TET2: variants seen among roughly 807,000 people sequenced by gnomAD.
The protein encoded by TET2 is methylcytosine dioxygenase TET2.
TET2 carries 299 observed loss-of-function variants against 142.9 expected under a neutral mutation model. The ratio of observed to expected loss-of-function variants is 2.09; its 90% CI spans 1.90 to 2.30. The LOEUF is 2.30. Among genes scored for constraint, TET2 ranks in the 30% most tolerant of loss-of-function variants. TET2 has a pLI of 0.00. For missense variants in TET2, 2,418 were observed against 2,378.0 expected, an observed-to-expected ratio of 1.02 and a Z score of -0.35; for synonymous variants, 819 against 849.0, an observed-to-expected ratio of 0.96 and a Z score of 0.61.
At chr4:105,238,035 A>G in intron 3 of TET2, 1 of 592,098 alleles carries the variant, frequency 1.7e-6, no homozygotes, top group Non-Finnish European at 2.3e-6. Context: ...AATGAATATT[A>G]CAATAAAGCA....
rs2110225254 is a variant in TET2, at chr4:105,235,120, C to G, written c.1178C>G (p.Ser393Cys). ...TCAGTGTTCACTAAGGATTCCTTTT[C>G]TGCCACTACCACACCACCACCACCA... ...QSSVFTKDSF[S>C]ATTTPPPPSQ... Residue 393 changes from serine (S) to cysteine (C), a missense_variant, in exon 3 of 11, where the codon TCT becomes TGT. By Grantham distance (112) the Ser-to-Cys change is moderately radical. Transcript: ENST00000380013. 1.9e-6 allele frequency: 3 copies of G among 1,613,870 alleles called. No individual in the cohort carries two copies. Among genetic ancestry groups the G allele is most frequent in the Non-Finnish European group, 2.5e-6 (3 of 1,179,892 alleles).
At chr4:105,187,036 C>A (rs892400464) in intron 1 of TET2, among the ~76,000 whole-genome samples, 2 of 152,068 alleles carry the variant, frequency 1.3e-5, no homozygotes, top group Admixed American at 1.3e-4. Flanking sequence ...CAGCTTGATT[C>A]CCAGTCAACC....
chr4:105,186,718 C>T (rs1409303440), intron 1 of TET2, among the ~76,000 whole-genome samples: 2 of 152,058 alleles, frequency 1.3e-5, no homozygotes, highest in Non-Finnish European at 2.9e-5. Context: ...GTGATCCACC[C>T]ACCTTGGCCT....
Position 105,236,241 on chromosome 4 carries a change from A to G in TET2, c.2299A>G (p.Asn767Asp), listed in dbSNP as rs147167901. The change falls in exon 3 of 11, where the codon AAT (asparagine) becomes GAT (aspartate). Residue 767 changes from asparagine to aspartate, a missense_variant. Transcript: ENST00000380013. ...GACTTTTCCTCACCCCCAAAGCAAC[A>G]ATGATCAGCAAAGAGAAGGATCATT... ...LQTFPHPQSN[N>D]DQQREGSFFG... 3.4e-4 allele frequency: 554 copies of G among 1,614,136 alleles called. 2 individuals are homozygous for G. In the African/African-American group the frequency reaches 6.9e-3, roughly 20 times the overall value.
At chr4:105,267,850 C>T (rs1453002665) in intron 8 of TET2, among the ~76,000 whole-genome samples, 2 of 151,478 alleles carry the variant, frequency 1.3e-5, no homozygotes, top group Admixed American at 1.3e-4. Flanking sequence ...GTTGAAAAGA[C>T]ATAACAGGAA....
chr4:105,263,984 A>T (rs989496491), intron 8 of TET2, among the ~76,000 whole-genome samples: 1 of 152,142 alleles, frequency 6.6e-6, no homozygotes, highest in Non-Finnish European at 1.5e-5. Flanking sequence ...CATTTACTTG[A>T]TAATATTAAA....
chr4:105,251,371 T>G (rs1249520150), intron 6 of TET2, among the ~76,000 whole-genome samples: 1 of 152,206 alleles, frequency 6.6e-6, no homozygotes, highest in African/African-American at 2.4e-5. Flanking sequence ...GTAGGTTTTG[T>G]TTAAAAAAAG....
At chr4:105,189,546 CT>C (rs1414816335) in intron 1 of TET2, among the ~76,000 whole-genome samples, 1 of 152,194 alleles carries the variant, frequency 6.6e-6, no homozygotes, top group Non-Finnish European at 1.5e-5. Flanking sequence ...CAAAACAACG[CT>C]TTCTCCCCAT....
At chr4:105,269,862 TC>T (rs778163241) in intron 9 of TET2, 115 bp downstream of exon 9, 8 of 1,276,524 alleles carry the variant, frequency 6.3e-6, no homozygotes, top group Non-Finnish European at 8.6e-6. Context: ...GACTCACAGT[TC>T]CACATGGCTG....
intron 1 of TET2, among the ~76,000 whole-genome samples, chr4:105,177,281 G>A (rs141714451): frequency 3.3e-5 from 5 of 152,282 alleles, no homozygotes; most frequent in African/African-American, 1.2e-4. Context: ...TGACAAGCTG[G>A]ACTTAACTAA....
chr4:105,231,619 C>T (rs1186705127), intron 2 of TET2, among the ~76,000 whole-genome samples: 2 of 152,224 alleles, frequency 1.3e-5, no homozygotes, highest in East Asian at 1.9e-4. Flanking sequence ...ATAACTTTAG[C>T]GTTGCTTTCA....
At chr4:105,194,086 GC>G (rs1473568684) in intron 2 of TET2, among the ~76,000 whole-genome samples, 1 of 151,984 alleles carries the variant, frequency 6.6e-6, no homozygotes, top group Non-Finnish European at 1.5e-5. Context: ...ACTTGGTCTA[GC>G]CCAGGTCTCC....
intron 1 of TET2, among the ~76,000 whole-genome samples, chr4:105,150,614 G>A (rs748494987): frequency 3.9e-5 from 6 of 152,206 alleles, no homozygotes; most frequent in Admixed American, 3.9e-4. Flanking sequence ...TACAATTGGA[G>A]CCTTCACTGT....
chr4:105,190,191 T>C (rs943990175), intron 1 of TET2, among the ~76,000 whole-genome samples, 169 bp from the exon 2 acceptor site: 7 of 152,208 alleles, frequency 4.6e-5, no homozygotes, highest in Non-Finnish European at 8.8e-5. Flanking sequence ...TTATGGTACA[T>C]TTGAGAGTGT....
rs545034477 is a variant in TET2 at position 105,277,757 on chromosome 4, A to G, written c.*1238A>G. On this transcript the variant is annotated 3_prime_UTR_variant, in exon 11 of 11. Transcript: ENST00000380013. Reference sequence around the variant, plus strand: ...TTGCTCAAAAATGTACAGTTTTAAGAATTTTCTATTAACTGCAGGTAATAA... The same window carrying G: ...TTGCTCAAAAATGTACAGTTTTAAGGATTTTCTATTAACTGCAGGTAATAA... The G allele has an allele frequency of 4.4e-6, 1 of 228,202 alleles. No individual in the cohort carries two copies. The highest frequency in any genetic ancestry group is 8.7e-6 in the Non-Finnish European group (1 of 114,912). The allele number at this position is 228,202 out of a possible 1,614,324, so 14.1% of individuals were successfully genotyped here. A position where few individuals can be genotyped will look rare whatever the true frequency, so the allele number is the denominator to read the frequency against.
chr4:105,157,786 C>T (rs1463945057), intron 1 of TET2, among the ~76,000 whole-genome samples: 1 of 152,188 alleles, frequency 6.6e-6, no homozygotes, highest in African/African-American at 2.4e-5. Context: ...AAGCGATTCT[C>T]CTGTCTCAGC....
chr4:105,241,211 A>G, intron 3 of TET2, 128 bp from the exon 4 acceptor site: 1 of 1,341,252 alleles, frequency 7.5e-7, no homozygotes, highest in South Asian at 2.2e-5. Flanking sequence ...ACTCATTTTA[A>G]AGAAAAAAAA....
In TET2 at chr4:105,275,833, A is replaced by C; in HGVS notation, c.5323A>C (p.Ser1775Arg). ...CAGTGCAGCTCCGGGCATGTTCAAC[A>C]GCTCTCTTCATGCCCTGCATCTCCA... ...NYSAAPGMFN[S>R]SLHALHLQNK... The change falls in exon 11 of 11, where the codon AGC becomes CGC. Residue 1775 changes from serine to arginine, a missense_variant. Ser to Arg is a moderately radical substitution (Grantham distance 110). Coordinates refer to ENST00000380013, the MANE Select transcript of TET2 (RefSeq NM_001127208.3). 3 of 1,551,824 alleles carry C rather than the reference A, an allele frequency of 1.9e-6. No homozygotes were observed. Among genetic ancestry groups the C allele is most frequent in the Non-Finnish European group, 2.6e-6 (3 of 1,146,986 alleles).
At chr4:105,217,550 A>G (rs1560529239) in intron 2 of TET2, among the ~76,000 whole-genome samples, 1 of 152,040 alleles carries the variant, frequency 6.6e-6, no homozygotes, top group Non-Finnish European at 1.5e-5. Flanking sequence ...TCCATAAACA[A>G]TGATCCTGTG....
Sources: allele counts gnomAD v4.1 joint callset (sites outside exome capture counted in the v4.1 genomes callset), GRCh38; gene constraint gnomAD v4.1.1; transcripts MANE v1.5; gene names NCBI Gene and HGNC (gene_info 2026-07-23, HGNC 2026-07-21).